Variants in ST7 observed in about 807,000 individuals in gnomAD.
ST7 encodes suppression of tumorigenicity 7, also known as suppressor of tumorigenicity 7 protein.
ST7 carries 28 observed loss-of-function variants against 78.7 expected under a neutral mutation model. The ratio of observed to expected loss-of-function variants is 0.36; its 90% CI spans 0.26 to 0.49. The LOEUF (loss-of-function observed/expected upper bound fraction) is 0.49, where lower values mean the gene tolerates loss of function less well. Among genes scored for constraint, ST7 ranks in the 20% least tolerant of loss-of-function variants. The probability of loss-of-function intolerance (pLI) is 0.99; values close to 1 mark genes in which losing one functional copy is unlikely to be tolerated. For synonymous variants in ST7, 247 were observed against 249.6 expected (o/e 0.99, Z 0.10); for missense variants, 418 against 696.0 (o/e 0.60, Z 4.49).
At chr7:117,135,778 C>G (rs1196750949) in intron 7 of ST7, among the ~76,000 whole-genome samples, 1 of 152,092 alleles carries the variant, frequency 6.6e-6, no homozygotes, top group Non-Finnish European at 1.5e-5. Flanking sequence ...AACAAAGATT[C>G]CATGTTGTTC....
At chr7:117,140,669 T>G (rs576595037) in intron 9 of ST7, among the ~76,000 whole-genome samples, 1 of 152,318 alleles carries the variant, frequency 6.6e-6, no homozygotes, top group African/African-American at 2.4e-5. Flanking sequence ...TACATATTTA[T>G]GCATGTTTGT....
At position 116,995,145 on chromosome 7, in the gene ST7, T is replaced by G. The variant is rs79572121; in HGVS notation, c.151+41454T>G. On this transcript the variant is annotated intron_variant, in intron 1 of 15. Coordinates refer to ENST00000323984, the MANE Select transcript of ST7 (RefSeq NM_001369598.1). ...TCTTCTGAGTGCAGTATCTGCTTTCTGATATGACCTAAGTAATACACATAA... is the reference window on the plus strand; with the variant it reads ...TCTTCTGAGTGCAGTATCTGCTTTCGGATATGACCTAAGTAATACACATAA... Among the ~76,000 whole-genome samples the G allele has an allele frequency of 9.1e-3, 1,386 of 152,298 alleles. 30 individuals are homozygous for G. Among genetic ancestry groups the G allele is most frequent in the African/African-American group, 0.032 (1,323 of 41,548 alleles).
chr7:117,194,680 A>G (rs578212397), intron 12 of ST7, among the ~76,000 whole-genome samples: 7 of 152,358 alleles, frequency 4.6e-5, no homozygotes, highest in South Asian at 2.1e-4. Flanking sequence ...TGGACAAACA[A>G]AGGACTACCC....
chr7:117,196,616 T>A (rs1799315786), intron 12 of ST7, among the ~76,000 whole-genome samples: 1 of 145,892 alleles, frequency 6.9e-6, no homozygotes, highest in Admixed American at 7.2e-5. Context: ...GATAATCAGA[T>A]TGTTGGGCTT....
At chr7:116,998,165 C>G (rs879543082) in intron 1 of ST7, among the ~76,000 whole-genome samples, 2 of 152,214 alleles carry the variant, frequency 1.3e-5, no homozygotes, top group Admixed American at 1.3e-4. Flanking sequence ...TGAGGCCCAG[C>G]GAGAATTCGA....
At chr7:116,991,477 G>A (rs1794425512) in intron 1 of ST7, among the ~76,000 whole-genome samples, 1 of 152,126 alleles carries the variant, frequency 6.6e-6, no homozygotes, top group Admixed American at 6.6e-5. Flanking sequence ...AGATGCAAAA[G>A]CAGAAACCCC....
intron 9 of ST7, among the ~76,000 whole-genome samples, chr7:117,143,964 T>C (rs1805541323): frequency 6.6e-6 from 1 of 152,216 alleles, no homozygotes; most frequent in Non-Finnish European, 1.5e-5. Flanking sequence ...TTTAAAATAA[T>C]TGAGGATCCC....
intron 1 of ST7, among the ~76,000 whole-genome samples, chr7:117,016,486 T>C (rs916442616): frequency 1.7e-4 from 21 of 120,732 alleles, no homozygotes; most frequent in African/African-American, 5.6e-4. Context: ...TATATTGCCA[T>C]TAAAACATTT....
At chr7:117,043,128 G>A (rs1797315456) in intron 1 of ST7, among the ~76,000 whole-genome samples, 1 of 152,154 alleles carries the variant, frequency 6.6e-6, no homozygotes, top group African/African-American at 2.4e-5. Context: ...AGTTTTCATT[G>A]AATCATCACA....
At chr7:117,178,944 C>T (rs538942695) in intron 10 of ST7, among the ~76,000 whole-genome samples, 2 of 152,136 alleles carry the variant, frequency 1.3e-5, no homozygotes, top group Non-Finnish European at 2.9e-5. Flanking sequence ...ATTCCAATAA[C>T]GGGTCCTTAA....
intron 12 of ST7, chr7:117,199,015 C>T (rs1810569950): frequency 6.6e-6 from 1 of 152,120 alleles, no homozygotes; most frequent in African/African-American, 2.4e-5. Context: ...TTCGCTCTTT[C>T]CAAAGCTTTT....
intron 1 of ST7, among the ~76,000 whole-genome samples, chr7:116,980,402 T>G (rs1263889063): frequency 6.6e-6 from 1 of 152,198 alleles, no homozygotes; most frequent in Admixed American, 6.5e-5. Context: ...ATAATCAATA[T>G]ACCCTATTGG....
chr7:117,010,910 G>A (rs1401961526), intron 1 of ST7, among the ~76,000 whole-genome samples: 4 of 152,182 alleles, frequency 2.6e-5, no homozygotes, highest in Non-Finnish European at 5.9e-5. Context: ...AGGGAGGGAA[G>A]CCATGAAAGA....
chr7:117,132,916 A>G (rs1021316919), intron 6 of ST7, among the ~76,000 whole-genome samples: 1 of 151,862 alleles, frequency 6.6e-6, no homozygotes, highest in Non-Finnish European at 1.5e-5. Flanking sequence ...ATGAATCACC[A>G]TCTTTTGTAT....
chr7:116,980,155 CG>C (rs1215539834), intron 1 of ST7, among the ~76,000 whole-genome samples: 3 of 151,850 alleles, frequency 2.0e-5, no homozygotes, highest in African/African-American at 7.3e-5. Flanking sequence ...GACGGAGTTT[CG>C]CCATGTTGGC....
intron 1 of ST7, among the ~76,000 whole-genome samples, chr7:116,989,705 G>A (rs1325571712): frequency 6.6e-6 from 1 of 151,788 alleles, no homozygotes; most frequent in Non-Finnish European, 1.5e-5. Flanking sequence ...TGGGCATGGT[G>A]ACATGTACCT....
intron 1 of ST7, among the ~76,000 whole-genome samples, chr7:117,083,154 G>GCC (rs1799909564): frequency 6.6e-6 from 1 of 152,094 alleles, no homozygotes; most frequent in African/African-American, 2.4e-5. Flanking sequence ...CTACCTCCCA[G>GCC]TTTCAAGCGA....
At chr7:117,122,320 G>A (rs1324369393) in intron 3 of ST7, among the ~76,000 whole-genome samples, 2 of 152,202 alleles carry the variant, frequency 1.3e-5, no homozygotes, top group African/African-American at 4.8e-5. Flanking sequence ...TCAGTGGAAT[G>A]GGAACCAATG....
In ST7 at chr7:117,230,092, G is replaced by T; in HGVS notation, c.*235G>T. On this transcript the variant is annotated 3_prime_UTR_variant, in exon 16 of 16. Transcript: ENST00000323984. ...AGAAAGTCAAAAATAAAACTTTTGTGTATTACAGCAATCATTTGTATCCTC... is the reference window on the plus strand; with the variant it reads ...AGAAAGTCAAAAATAAAACTTTTGTTTATTACAGCAATCATTTGTATCCTC... 1 of 685,234 alleles carries T rather than the reference G, an allele frequency of 1.5e-6. No homozygotes were observed. Among genetic ancestry groups the T allele is most frequent in the Non-Finnish European group, 2.7e-6 (1 of 368,286 alleles). The allele number at this position is 685,234 out of a possible 1,614,324, so 42.4% of individuals were successfully genotyped here. A position where few individuals can be genotyped will look rare whatever the true frequency, so the allele number is the denominator to read the frequency against.
Sources: gnomAD v4.1 joint callset for allele counts (sites outside exome capture counted in the v4.1 genomes callset) on GRCh38, gnomAD v4.1.1 for gene constraint, MANE v1.5 for transcripts, NCBI Gene and HGNC (gene_info 2026-07-23, HGNC 2026-07-21) for gene names.